Variants in SNTG2 observed in about 807,000 individuals in gnomAD.
The protein encoded by SNTG2 is syntrophin gamma 2.
A neutral mutation model predicts 70.9 loss-of-function variants in SNTG2; 74 were observed. That is an observed-to-expected ratio of 1.04 (90% confidence interval 0.86 to 1.27). SNTG2 has a LOEUF of 1.27. Among genes scored for constraint, SNTG2 ranks in the 50% most tolerant of loss-of-function variants. The pLI is 0.00. For synonymous variants in SNTG2, 278 were observed against 273.8 expected (o/e 1.02, Z -0.15); for missense variants, 717 against 690.7 (o/e 1.04, Z -0.43).
chr2:1,111,915 G>T (rs55732098), intron 4 of SNTG2, among the ~76,000 whole-genome samples: 3 of 133,074 alleles, frequency 2.3e-5, no homozygotes, highest in African/African-American at 6.0e-5. Context: ...TTAACCCTTA[G>T]AGTCCTTTGA....
intron 16 of SNTG2, among the ~76,000 whole-genome samples, chr2:1,318,023 A>G (rs13033766): frequency 0.4 from 61,487 of 152,066 alleles, 12,628 homozygotes; most frequent in Middle Eastern, 0.54. Flanking sequence ...ACTGTATGTG[A>G]TAAATTGACT....
At chr2:1,253,791 C>T (rs1234766179) in intron 12 of SNTG2, among the ~76,000 whole-genome samples, 1 of 152,110 alleles carries the variant, frequency 6.6e-6, no homozygotes, top group Non-Finnish European at 1.5e-5. Flanking sequence ...CCTCAGGAAA[C>T]TTACAGTGTG....
chr2:1,267,088 G>A (rs1034155483), intron 13 of SNTG2, among the ~76,000 whole-genome samples: 8 of 152,110 alleles, frequency 5.3e-5, no homozygotes, highest in African/African-American at 1.2e-4. Flanking sequence ...TCTCTTCACC[G>A]TAAAACAGGA....
chr2:1,244,472 G>A (rs574399042), intron 11 of SNTG2, among the ~76,000 whole-genome samples: 5 of 152,126 alleles, frequency 3.3e-5, no homozygotes, highest in African/African-American at 4.8e-5. Context: ...CGAGGCTGGC[G>A]GATCACGAGG....
intron 12 of SNTG2, among the ~76,000 whole-genome samples, chr2:1,247,949 G>A (rs749139209): frequency 3.9e-5 from 6 of 151,966 alleles, no homozygotes; most frequent in African/African-American, 7.3e-5. Flanking sequence ...AGTGCCCACC[G>A]GTACCATTCT....
chr2:1,212,526 A>G (rs1674112981), intron 9 of SNTG2, among the ~76,000 whole-genome samples: 1 of 152,228 alleles, frequency 6.6e-6, no homozygotes, highest in South Asian at 2.1e-4. Flanking sequence ...TTTTCATAAG[A>G]CAAGAATATT....
At chr2:996,430 C>A (rs1398263579) in intron 1 of SNTG2, among the ~76,000 whole-genome samples, 1 of 151,956 alleles carries the variant, frequency 6.6e-6, no homozygotes, top group African/African-American at 2.4e-5. Flanking sequence ...GTTCCTTACA[C>A]CTTGTAGAAA....
In SNTG2 at chr2:1,096,588, C is replaced by T. The variant is rs566671875; in HGVS notation, c.211-1608C>T. On this transcript the variant is annotated intron_variant, in intron 2 of 16. Transcript: ENST00000308624. ...AGACCGTGTGGTATTTGTCTTTCTG[C>T]GCCTGGCTTATTCGACTCGGCACAG... Among the ~76,000 whole-genome samples, 119 of 152,294 alleles carry T rather than the reference C, an allele frequency of 7.8e-4. 1 individual carries two copies. The highest frequency in any genetic ancestry group is 2.8e-3 in the African/African-American group (116 of 41,556).
At chr2:1,144,474 T>C (rs892814240) in intron 6 of SNTG2, among the ~76,000 whole-genome samples, 7 of 152,160 alleles carry the variant, frequency 4.6e-5, no homozygotes, top group Non-Finnish European at 8.8e-5. Flanking sequence ...TAAAAACACA[T>C]TTTAACGAAT....
intron 4 of SNTG2, among the ~76,000 whole-genome samples, chr2:1,116,480 C>T (rs879548081): frequency 4.3e-4 from 50 of 115,028 alleles, no homozygotes; most frequent in East Asian, 1.4e-3. Flanking sequence ...GTGGGTGCTT[C>T]GGTGTATGGG....
chr2:957,736 C>G (rs571179811), intron 1 of SNTG2, among the ~76,000 whole-genome samples: 1 of 151,934 alleles, frequency 6.6e-6, no homozygotes, highest in African/African-American at 2.4e-5. Flanking sequence ...GAGACTGAGA[C>G]GGGAGAGATG....
chr2:1,280,034 T>C (rs778218347), intron 14 of SNTG2, among the ~76,000 whole-genome samples: 1 of 152,228 alleles, frequency 6.6e-6, no homozygotes, highest in Non-Finnish European at 1.5e-5. Context: ...CATGGAAATA[T>C]GCAAAACATA....
intron 1 of SNTG2, among the ~76,000 whole-genome samples, chr2:1,036,169 T>TG (rs752302980): frequency 1.3e-3 from 191 of 152,328 alleles, no homozygotes; most frequent in Non-Finnish European, 1.5e-3. Flanking sequence ...TATTTGGTGT[T>TG]ATTCTTTCAT....
chr2:1,253,144 G>T (rs1677861332), intron 12 of SNTG2, among the ~76,000 whole-genome samples: 1 of 152,094 alleles, frequency 6.6e-6, no homozygotes, highest in Non-Finnish European at 1.5e-5. Flanking sequence ...AGAGTTCTGT[G>T]TGGGCAGAGA....
chr2:1,004,916 CA>C (rs535063655), intron 1 of SNTG2, among the ~76,000 whole-genome samples: 113 of 152,182 alleles, frequency 7.4e-4, no homozygotes, highest in African/African-American at 2.6e-3. Context: ...GTATAATTGT[CA>C]AAAACTGGAA....
intron 6 of SNTG2, among the ~76,000 whole-genome samples, chr2:1,138,183 C>A (rs1040624633): frequency 3.3e-5 from 5 of 152,208 alleles, no homozygotes; most frequent in African/African-American, 9.6e-5. Context: ...CCGTACCGCC[C>A]GGGCGCTGGA....
chr2:1,135,538 G>A (rs1668324755), intron 4 of SNTG2, among the ~76,000 whole-genome samples: 1 of 152,186 alleles, frequency 6.6e-6, no homozygotes. Flanking sequence ...TGGCCAACAT[G>A]GCAAAACCAC....
intron 8 of SNTG2, among the ~76,000 whole-genome samples, chr2:1,186,745 C>G (rs567466306): frequency 6.6e-6 from 1 of 152,268 alleles, no homozygotes; most frequent in East Asian, 1.9e-4. Context: ...CACCTCTCAC[C>G]AAGTTCTCTT....
chr2:1,336,088 G>A (rs1204835579), intron 16 of SNTG2, among the ~76,000 whole-genome samples: 1 of 152,080 alleles, frequency 6.6e-6, no homozygotes, highest in Non-Finnish European at 1.5e-5. Flanking sequence ...CAAAGGCATT[G>A]GTAAAGAGAT....
Sources: gnomAD v4.1 joint callset for allele counts (sites outside exome capture counted in the v4.1 genomes callset) on GRCh38, gnomAD v4.1.1 for gene constraint, MANE v1.5 for transcripts, NCBI Gene and HGNC (gene_info 2026-07-23, HGNC 2026-07-21) for gene names.